The following NEDD4L variants were observed in gnomAD, a reference collection of about 807,000 sequenced individuals.
NEDD4L encodes the protein NEDD4 like E3 ubiquitin protein ligase, also known as E3 ubiquitin-protein ligase NEDD4-like.
NEDD4L carries 54 observed loss-of-function variants against 148.9 expected under a neutral mutation model. The observed-to-expected ratio is 0.36, with a 90% CI of 0.29 to 0.45. The LOEUF is 0.45. Among genes scored for constraint, NEDD4L ranks in the 20% least tolerant of loss-of-function variants. The pLI is 1.00. For missense variants in NEDD4L, 856 were observed against 1,233.8 expected, an observed-to-expected ratio of 0.69 and a Z score of 4.59; for synonymous variants, 433 against 440.7, an observed-to-expected ratio of 0.98 and a Z score of 0.22.
chr18:58,350,416 G>C (rs570578063), intron 17 of NEDD4L, among the ~76,000 whole-genome samples: 2 of 152,266 alleles, frequency 1.3e-5, no homozygotes, highest in African/African-American at 4.8e-5. Context: ...ACAAAAGAAA[G>C]CATTTTTTTC....
intron 1 of NEDD4L, among the ~76,000 whole-genome samples, chr18:58,051,739 A>C (rs954982621): frequency 6.6e-6 from 1 of 152,216 alleles, no homozygotes; most frequent in Non-Finnish European, 1.5e-5. Flanking sequence ...GGTCTGTCTT[A>C]CTGAAATATT....
At chr18:58,260,553 G>C (rs1159405240) in intron 5 of NEDD4L, among the ~76,000 whole-genome samples, 1 of 152,136 alleles carries the variant, frequency 6.6e-6, no homozygotes, top group Non-Finnish European at 1.5e-5. Flanking sequence ...ATGTGAAATG[G>C]TGTTATTTCA....
At chr18:58,288,133 G>C (rs1210929069) in intron 5 of NEDD4L, among the ~76,000 whole-genome samples, 1 of 152,154 alleles carries the variant, frequency 6.6e-6, no homozygotes, top group Admixed American at 6.5e-5. Context: ...TTTGATAGCA[G>C]GCTGTGGAGA....
In NEDD4L at chr18:58,323,460, G is replaced by A. The variant is rs570049723; in HGVS notation, c.513+126G>A. On this transcript the variant is annotated intron_variant, in intron 8 of 30. Coordinates refer to ENST00000400345, the MANE Select transcript of NEDD4L (RefSeq NM_001144967.3). ...AATATAAAAAAAAGTACATATGTCC[G>A]CAAATTGGTCATTGATAGTCTACCA... 3.0e-5 allele frequency: 18 copies of A among 609,040 alleles called. 1 individual carries two copies. Among genetic ancestry groups the A allele is most frequent in the South Asian group, 2.0e-4 (10 of 50,990 alleles). 37.7% of individuals were successfully genotyped at this position (609,040 alleles called of 1,614,324 possible).
rs369059708 is a variant in NEDD4L, at chr18:58,396,284, G to A, written c.*15G>A. On this transcript the variant is annotated 3_prime_UTR_variant, in exon 31 of 31. Coordinates refer to ENST00000400345, the MANE Select transcript of NEDD4L (RefSeq NM_001144967.3). Reference sequence around the variant, plus strand: ...GGGTGGATTAAGCACCCTGTGCCTCGGGGGTGGTTGTTCTTCAAGCAAGTT... The same window carrying A: ...GGGTGGATTAAGCACCCTGTGCCTCAGGGGTGGTTGTTCTTCAAGCAAGTT... 3.1e-5 allele frequency: 49 copies of A among 1,559,350 alleles called. No individual in the cohort carries two copies. Among genetic ancestry groups the A allele is most frequent in the Non-Finnish European group, 3.9e-5 (44 of 1,133,516 alleles).
Position 58,341,037 on chromosome 18 carries a change from G to A in NEDD4L, c.1126-1G>A. 4.4e-6 allele frequency: 7 copies of A among 1,607,028 alleles called. No homozygotes were observed. The highest frequency in any genetic ancestry group is 1.7e-5 in the Admixed American group (1 of 59,008). Reference sequence around the variant, plus strand: ...ATAATAATGATTTCTTGCACAAACAGCCATCAGTGGCCTATGTACATACCA... The same window carrying A: ...ATAATAATGATTTCTTGCACAAACAACCATCAGTGGCCTATGTACATACCA... On this transcript the variant is annotated splice_acceptor_variant, in intron 13 of 30. Coordinates refer to ENST00000400345, the MANE Select transcript of NEDD4L (RefSeq NM_001144967.3). LOFTEE classifies it high-confidence loss of function.
chr18:58,215,495 G>A (rs757521592), intron 2 of NEDD4L, among the ~76,000 whole-genome samples: 1 of 152,006 alleles, frequency 6.6e-6, no homozygotes, highest in African/African-American at 2.4e-5. Flanking sequence ...TTTGTAAAAT[G>A]GGCAGTTTAA....
intron 1 of NEDD4L, among the ~76,000 whole-genome samples, chr18:58,060,614 C>T (rs2082289804): frequency 6.6e-6 from 1 of 152,074 alleles, no homozygotes; most frequent in Non-Finnish European, 1.5e-5. Flanking sequence ...AGGGAGGTGT[C>T]TAGAATAATC....
intron 2 of NEDD4L, among the ~76,000 whole-genome samples, chr18:58,168,450 C>A (rs1438217273): frequency 6.6e-6 from 1 of 152,192 alleles, no homozygotes; most frequent in African/African-American, 2.4e-5. Flanking sequence ...TATTAGTGTA[C>A]AACAAGGATA....
At position 58,367,960 on chromosome 18, in the gene NEDD4L, T is replaced by C. The variant is rs2046335339; in HGVS notation, c.2185+93T>C. The C allele has an allele frequency of 2.3e-6, 3 of 1,325,780 alleles. No individual in the cohort carries two copies. The African/African-American group carries it at 4.4e-5, about 19-fold the overall frequency. The allele number at this position is 1,325,780 out of a possible 1,614,324, so 82.1% of individuals were successfully genotyped here. The stretch of plus-strand genomic sequence containing the variant: ...GCATCATGGGTTTTTAAGCAAAAGC[T>C]TCACTGGTTTACTCATAAAGTATTT... On this transcript the variant is annotated intron_variant, in intron 22 of 30. Transcript: ENST00000400345.
intron 2 of NEDD4L, among the ~76,000 whole-genome samples, chr18:58,219,483 C>T (rs1483305777): frequency 2.0e-5 from 3 of 152,192 alleles, no homozygotes; most frequent in African/African-American, 2.4e-5. Context: ...CAAAGTAGCA[C>T]AGACTGGGTG....
chr18:58,138,836 G>T (rs1042093743), intron 1 of NEDD4L, among the ~76,000 whole-genome samples: 5 of 152,146 alleles, frequency 3.3e-5, no homozygotes, highest in Non-Finnish European at 7.3e-5. Context: ...CCTCGTAAAG[G>T]CTCCACCTTC....
intron 1 of NEDD4L, among the ~76,000 whole-genome samples, chr18:58,105,503 A>G (rs940130269): frequency 6.6e-6 from 1 of 152,234 alleles, no homozygotes; most frequent in Non-Finnish European, 1.5e-5. Flanking sequence ...TTATTATGAC[A>G]TTAAGATTTT....
intron 24 of NEDD4L, among the ~76,000 whole-genome samples, chr18:58,381,767 A>G (rs1210965829): frequency 6.6e-6 from 1 of 152,200 alleles, no homozygotes. Flanking sequence ...ATGGATGAGC[A>G]CTGTCCACGC....
chr18:58,129,336 C>T (rs1259010756), intron 1 of NEDD4L, among the ~76,000 whole-genome samples: 1 of 152,232 alleles, frequency 6.6e-6, no homozygotes, highest in Non-Finnish European at 1.5e-5. Flanking sequence ...CATTTGGCCT[C>T]AGTGTGTGGA....
intron 19 of NEDD4L, among the ~76,000 whole-genome samples, chr18:58,363,975 A>G (rs995750888): frequency 6.6e-6 from 1 of 152,266 alleles, no homozygotes; most frequent in Non-Finnish European, 1.5e-5. Flanking sequence ...TCATATTCTG[A>G]CAAAAGTCAC....
At chr18:58,111,542 T>G (rs1568231297) in intron 1 of NEDD4L, among the ~76,000 whole-genome samples, 1 of 152,230 alleles carries the variant, frequency 6.6e-6, no homozygotes, top group Non-Finnish European at 1.5e-5. Context: ...TGTATGGTTG[T>G]TTGTGACTGG....
chr18:58,229,967 C>T (rs1401746954), intron 2 of NEDD4L, among the ~76,000 whole-genome samples: 3 of 151,996 alleles, frequency 2.0e-5, no homozygotes, highest in South Asian at 4.2e-4. Flanking sequence ...CCAGCCTGGG[C>T]GACAGAGTGA....
intron 4 of NEDD4L, 78 bp downstream of exon 4, chr18:58,249,015 A>C (rs1027274608): frequency 1.1e-5 from 8 of 698,128 alleles, no homozygotes; most frequent in Middle Eastern, 5.1e-4. Context: ...TCTTGAGGAA[A>C]AGCTCTTAAA....
Sources: allele counts gnomAD v4.1 joint callset (sites outside exome capture counted in the v4.1 genomes callset), GRCh38; gene constraint gnomAD v4.1.1; transcripts MANE v1.5; gene names NCBI Gene and HGNC (gene_info 2026-07-23, HGNC 2026-07-21).